Variants in ARHGAP35 observed in about 807,000 individuals in gnomAD.
The protein encoded by ARHGAP35 is rho GTPase-activating protein 35.
ARHGAP35 carries 15 observed loss-of-function variants against 111.1 expected under a neutral mutation model. The ratio of observed to expected loss-of-function variants is 0.13; its 90% CI spans 0.09 to 0.21. The LOEUF (loss-of-function observed/expected upper bound fraction) is 0.21. Among genes scored for constraint, ARHGAP35 ranks in the 10% least tolerant of loss-of-function variants. ARHGAP35 has a pLI of 1.00. For synonymous variants in ARHGAP35, 643 were observed against 710.3 expected, an observed-to-expected ratio of 0.91 and a Z score of 1.51; for missense variants, 1,262 against 1,873.0, an observed-to-expected ratio of 0.67 and a Z score of 6.02.
chr19:46,920,238 G>A lies in ARHGAP35; in HGVS notation c.1563G>A (p.Gln521=). ...KPSKEKMGVI[Q]DVLGEEQRFK... ...GCAAGGAGAAGATGGGTGTTATTCA[G>A]GATGTTCTGGGAGAGGAACAGCGAT... The change falls in exon 2 of 7, where the codon CAG becomes CAA. Residue 521 remains glutamine (Q), a synonymous_variant. Coordinates refer to ENST00000672722, the MANE Select transcript of ARHGAP35 (RefSeq NM_004491.5). This position sits in a 1 kb window ranked among gnomAD's most constrained non-coding sequence, Gnocchi z 7.0. The A allele has an allele frequency of 6.2e-7, 1 of 1,613,982 alleles. No individual in the cohort carries two copies. The highest frequency in any genetic ancestry group is 8.5e-7 in the Non-Finnish European group (1 of 1,179,886).
At chr19:46,899,321 T>C (rs561042594) in intron 1 of ARHGAP35, among the ~76,000 whole-genome samples, 3 of 152,124 alleles carry the variant, frequency 2.0e-5, no homozygotes, top group Non-Finnish European at 2.9e-5. Flanking sequence ...AGAGTTCTTT[T>C]TGAAGGATAG....
intron 3 of ARHGAP35, among the ~76,000 whole-genome samples, chr19:46,975,441 G>A (rs552809090): frequency 6.6e-6 from 1 of 152,220 alleles, no homozygotes; most frequent in South Asian, 2.1e-4. Context: ...GGAGCTCAGG[G>A]GCCAGTGTGC....
At chr19:46,881,978 G>C (rs773378958) in intron 1 of ARHGAP35, among the ~76,000 whole-genome samples, 4 of 152,176 alleles carry the variant, frequency 2.6e-5, no homozygotes, top group African/African-American at 9.6e-5. Context: ...TTGTTAACCA[G>C]TCTCTGCCAG....
intron 3 of ARHGAP35, among the ~76,000 whole-genome samples, chr19:46,969,761 A>G (rs1168178058): frequency 1.3e-5 from 2 of 152,196 alleles, no homozygotes; most frequent in Admixed American, 6.5e-5. Flanking sequence ...AGATCTACTC[A>G]TGCCATTGTT....
chr19:46,972,139 G>A (rs2056553684), intron 3 of ARHGAP35, among the ~76,000 whole-genome samples: 1 of 152,196 alleles, frequency 6.6e-6, no homozygotes, highest in African/African-American at 2.4e-5. Context: ...CTCCTGAGTA[G>A]CTGGGCCTAC....
At chr19:46,942,051 G>C (rs1334355031) in intron 3 of ARHGAP35, among the ~76,000 whole-genome samples, 1 of 152,042 alleles carries the variant, frequency 6.6e-6, no homozygotes, top group Non-Finnish European at 1.5e-5. Context: ...GTATCTGTGA[G>C]CTTAGTGTGC....
chr19:46,912,295 C>A (rs1165433086), intron 1 of ARHGAP35, among the ~76,000 whole-genome samples: 1 of 151,812 alleles, frequency 6.6e-6, no homozygotes, highest in Non-Finnish European at 1.5e-5. Context: ...CCACCTGCCT[C>A]GGCCTCCCAA....
chr19:46,895,322 C>G (rs1179740566), intron 1 of ARHGAP35, among the ~76,000 whole-genome samples: 1 of 152,116 alleles, frequency 6.6e-6, no homozygotes, highest in Non-Finnish European at 1.5e-5. Flanking sequence ...CACCACCACG[C>G]CCGGCTAATT....
chr19:46,939,372 C>CATTT (rs60855006), intron 3 of ARHGAP35, among the ~76,000 whole-genome samples: 20,694 of 145,202 alleles, frequency 0.14, 1,681 homozygotes, highest in Non-Finnish European at 0.18. Context: ...TGCACCTTTA[C>CATTT]ATTTATTTAT....
intron 1 of ARHGAP35, among the ~76,000 whole-genome samples, chr19:46,876,443 G>A (rs891407513): frequency 2.6e-5 from 4 of 151,338 alleles, no homozygotes; most frequent in Non-Finnish European, 5.9e-5. Context: ...GTACAATCTC[G>A]GCTCACTGCA....
chr19:46,973,155 G>A (rs1342744196), intron 3 of ARHGAP35, among the ~76,000 whole-genome samples: 1 of 152,158 alleles, frequency 6.6e-6, no homozygotes, highest in Non-Finnish European at 1.5e-5. Flanking sequence ...CTGAGGTCAG[G>A]AATTCAAGAC....
intron 3 of ARHGAP35, among the ~76,000 whole-genome samples, chr19:46,965,466 T>TTTTGTTTG (rs146545859): frequency 0.013 from 1,940 of 150,268 alleles, 25 homozygotes; most frequent in African/African-American, 0.036. Context: ...TTCTTGGGTT[T>TTTTGTTTG]TTTGTTTGTT....
At chr19:46,912,444 T>C (rs2056142287) in intron 1 of ARHGAP35, among the ~76,000 whole-genome samples, 1 of 151,796 alleles carries the variant, frequency 6.6e-6, no homozygotes, top group Admixed American at 6.6e-5. Flanking sequence ...AAGCTGGCCT[T>C]CCAGGTTCAC....
At chr19:46,879,587 AAAAT>A (rs376342193) in intron 1 of ARHGAP35, among the ~76,000 whole-genome samples, 48 of 87,724 alleles carry the variant, frequency 5.5e-4, no homozygotes, top group African/African-American at 1.3e-3. Flanking sequence ...ACTCCATCTC[AAAAT>A]AAATAAATAA....
chr19:46,930,414 G>A (rs1008028164), intron 2 of ARHGAP35, among the ~76,000 whole-genome samples: 4 of 145,446 alleles, frequency 2.8e-5, no homozygotes, highest in African/African-American at 1.0e-4. Context: ...CACCCCACCT[G>A]CTTCCAGTCC....
chr19:46,932,390 G>A (rs902440308), intron 2 of ARHGAP35, among the ~76,000 whole-genome samples: 15 of 152,210 alleles, frequency 9.9e-5, no homozygotes, highest in African/African-American at 1.4e-4. Flanking sequence ...ATAGGTAAGT[G>A]CCTCCGGAAG....
At chr19:46,933,608 A>G (rs1599830381) in intron 2 of ARHGAP35, among the ~76,000 whole-genome samples, 1 of 152,176 alleles carries the variant, frequency 6.6e-6, no homozygotes, top group East Asian at 1.9e-4. Context: ...CCTCTATCAA[A>G]TGGAGTTTTT....
At chr19:46,934,320 T>C (rs891633866) in intron 2 of ARHGAP35, among the ~76,000 whole-genome samples, 5 of 152,212 alleles carry the variant, frequency 3.3e-5, no homozygotes, top group African/African-American at 4.8e-5. Flanking sequence ...ATCATTGTTA[T>C]CTGGTTGCAA....
intron 1 of ARHGAP35, among the ~76,000 whole-genome samples, chr19:46,909,948 A>G (rs1399614473): frequency 2.0e-5 from 3 of 151,948 alleles, no homozygotes; most frequent in Non-Finnish European, 4.4e-5. Context: ...CACCCAGCTC[A>G]ATGTTGTTAT....
Sources: allele counts gnomAD v4.1 joint callset (sites outside exome capture counted in the v4.1 genomes callset), GRCh38; gene constraint gnomAD v4.1.1; non-coding constraint Gnocchi (gnomAD v3.1); transcripts MANE v1.5; gene names NCBI Gene and HGNC (gene_info 2026-07-23, HGNC 2026-07-21).